The following PDE7A variants were observed in gnomAD, a reference collection of about 807,000 sequenced individuals.
The protein encoded by PDE7A is high affinity 3',5'-cyclic-AMP phosphodiesterase 7A.
A neutral mutation model predicts 64.3 loss-of-function variants in PDE7A; 39 were observed. The observed-to-expected ratio is 0.61, with a 90% CI of 0.47 to 0.79. PDE7A has a LOEUF of 0.79. Ranked by LOEUF, PDE7A falls within the 30% of genes least tolerant of loss-of-function variation. PDE7A has a pLI of 0.00. For missense variants in PDE7A, 470 were observed against 582.8 expected (o/e 0.81, Z 1.99); for synonymous variants, 203 against 206.8 (o/e 0.98, Z 0.16).
chr8:65,835,580 G>A (rs1810932236), intron 1 of PDE7A, among the ~76,000 whole-genome samples: 1 of 152,046 alleles, frequency 6.6e-6, no homozygotes, highest in African/African-American at 2.4e-5. Context: ...CTCTATAACT[G>A]CTCTGGTCAA....
chr8:65,727,160 T>G lies in PDE7A; in HGVS notation c.828+10A>C, dbSNP rs767103153. The G allele has an allele frequency of 1.5e-5, 22 of 1,432,784 alleles. No homozygotes were observed. The highest frequency in any genetic ancestry group is 2.0e-6 in the Non-Finnish European group (2 of 1,023,160). The allele number at this position is 1,432,784 out of a possible 1,614,324, so 88.8% of individuals were successfully genotyped here. Reference sequence around the variant, plus strand: ...AAAATAATAAATCTTGATGATAAAATTGCACTAACCTTGTATAAAGTTGCC... The same window carrying G: ...AAAATAATAAATCTTGATGATAAAAGTGCACTAACCTTGTATAAAGTTGCC... On this transcript the variant is annotated intron_variant, in intron 8 of 12. Coordinates refer to ENST00000401827, the MANE Select transcript of PDE7A (RefSeq NM_001242318.3).
intron 1 of PDE7A, among the ~76,000 whole-genome samples, chr8:65,800,802 A>G (rs1290356925): frequency 6.6e-6 from 1 of 152,228 alleles, no homozygotes; most frequent in East Asian, 1.9e-4. Flanking sequence ...AACATCAAAC[A>G]GAAACTCCTT....
chr8:65,786,432 ATAATC>A (rs1768409714), intron 1 of PDE7A, among the ~76,000 whole-genome samples: 2 of 152,326 alleles, frequency 1.3e-5, no homozygotes, highest in East Asian at 1.9e-4. Flanking sequence ...ACTAGGTAGA[ATAATC>A]TAAAGTAGGA....
intron 1 of PDE7A, among the ~76,000 whole-genome samples, chr8:65,834,532 T>A (rs113495991): frequency 0.022 from 3,274 of 152,274 alleles, 54 homozygotes; most frequent in African/African-American, 0.047. Context: ...AACTACTGCA[T>A]CTTTATTAAG....
chr8:65,718,215 A>AGC lies in PDE7A; in HGVS notation c.*1074_*1075insGC, dbSNP rs1806219931. On this transcript the variant is annotated 3_prime_UTR_variant, in exon 13 of 13. Transcript: ENST00000401827. ...TGTCACATTCTAAAATAATAAATAA[A>AGC]AGCTTACATTTCAAATCTTTGCCCA... 1 of 152,156 alleles carries AGC rather than the reference A, an allele frequency of 6.6e-6. No individual in the cohort carries two copies. The highest frequency in any genetic ancestry group is 2.4e-5 in the African/African-American group (1 of 41,448). The allele number at this position is 152,156 out of a possible 1,614,324, so 9.4% of individuals were successfully genotyped here. A position where few individuals can be genotyped will look rare whatever the true frequency, so the allele number is the denominator to read the frequency against.
At chr8:65,831,647 C>T (rs1810823830) in intron 1 of PDE7A, among the ~76,000 whole-genome samples, 2 of 150,740 alleles carry the variant, frequency 1.3e-5, no homozygotes, top group South Asian at 4.2e-4. Context: ...ATATATATGA[C>T]TTACCAAAAA....
chr8:65,729,494 A>G (rs539843271), intron 7 of PDE7A, among the ~76,000 whole-genome samples: 2 of 150,732 alleles, frequency 1.3e-5, no homozygotes, highest in African/African-American at 4.9e-5. Flanking sequence ...CATGGAGGAG[A>G]GCAGTTTAGT....
At chr8:65,729,740 TG>T (rs1387786238) in intron 7 of PDE7A, among the ~76,000 whole-genome samples, 1 of 151,530 alleles carries the variant, frequency 6.6e-6, no homozygotes, top group Non-Finnish European at 1.5e-5. Context: ...TTTTTTTTTT[TG>T]GTACTTTTAT....
At chr8:65,730,017 GT>G (rs1388880523) in intron 7 of PDE7A, among the ~76,000 whole-genome samples, 1 of 151,886 alleles carries the variant, frequency 6.6e-6, no homozygotes, top group Non-Finnish European at 1.5e-5. Context: ...TCCATGGCCT[GT>G]TAGGAACCTG....
chr8:65,745,432 G>A lies in PDE7A; in HGVS notation c.474C>T (p.Ile158=), dbSNP rs1247031206. 7.0e-6 allele frequency: 11 copies of A among 1,572,796 alleles called. No homozygotes were observed. Among genetic ancestry groups the A allele is most frequent in the African/African-American group, 1.3e-5 (1 of 74,110 alleles). ...CATTTGTTAGTCTATCAAATAGAAAGATATCAAAATTCCAATTTCCAACTT... is the reference window on the plus strand; with the variant it reads ...CATTTGTTAGTCTATCAAATAGAAAAATATCAAAATTCCAATTTCCAACTT... ...LEKVGNWNFD[I]FLFDRLTNGN... is the part of the protein sequence containing the mutation. Residue 158 remains isoleucine, a synonymous_variant, in exon 5 of 13, where the codon ATC becomes ATT. Coordinates refer to ENST00000401827, the MANE Select transcript of PDE7A (RefSeq NM_001242318.3).
chr8:65,819,228 T>C (rs1396342829), intron 1 of PDE7A, among the ~76,000 whole-genome samples: 1 of 152,102 alleles, frequency 6.6e-6, no homozygotes, highest in Non-Finnish European at 1.5e-5. Context: ...ACACTGTCTC[T>C]ACAAAAAAAT....
At chr8:65,733,503 T>C (rs1806992632) in intron 7 of PDE7A, among the ~76,000 whole-genome samples, 1 of 152,098 alleles carries the variant, frequency 6.6e-6, no homozygotes, top group African/African-American at 2.4e-5. Context: ...ACCCTGTCTC[T>C]ACAAAAAATT....
Position 65,714,885 on chromosome 8 carries a change from G to C in PDE7A, c.*4405C>G, listed in dbSNP as rs1257891394. On this transcript the variant is annotated 3_prime_UTR_variant, in exon 13 of 13. Coordinates refer to ENST00000401827, the MANE Select transcript of PDE7A (RefSeq NM_001242318.3). ...GGTACAAATATATTTGTTTGCAAAG[G>C]ACATAAAATATGATTTTTACTTTTA... The C allele has an allele frequency of 6.6e-5, 10 of 151,924 alleles. No individual in the cohort carries two copies. 9.4% of individuals were successfully genotyped at this position (151,924 alleles called of 1,614,324 possible). A position where few individuals can be genotyped will look rare whatever the true frequency, so the allele number is the denominator to read the frequency against.
chr8:65,790,368 A>G (rs1324840964), intron 1 of PDE7A, among the ~76,000 whole-genome samples: 3 of 152,306 alleles, frequency 2.0e-5, no homozygotes, highest in Admixed American at 6.5e-5. Flanking sequence ...CTGGATGGGC[A>G]GTCAGGCCAC....
chr8:65,773,947 C>T (rs1809184782), intron 3 of PDE7A, among the ~76,000 whole-genome samples: 1 of 152,178 alleles, frequency 6.6e-6, no homozygotes, highest in Admixed American at 6.5e-5. Context: ...ATACAAATAT[C>T]AATATTTAGA....
intron 3 of PDE7A, among the ~76,000 whole-genome samples, chr8:65,751,619 A>G (rs958634045): frequency 2.6e-5 from 4 of 152,222 alleles, no homozygotes; most frequent in African/African-American, 7.2e-5. Flanking sequence ...CAGCCTCTCA[A>G]GTAGCTAGGA....
intron 6 of PDE7A, among the ~76,000 whole-genome samples, chr8:65,738,453 C>T (rs1000838187): frequency 6.6e-6 from 1 of 152,194 alleles, no homozygotes; most frequent in African/African-American, 2.4e-5. Context: ...AAAGACTTTA[C>T]CAGGAATCAT....
intron 1 of PDE7A, among the ~76,000 whole-genome samples, chr8:65,839,341 G>C (rs1456513255): frequency 7.9e-6 from 1 of 126,830 alleles, no homozygotes; most frequent in Admixed American, 7.2e-5. Flanking sequence ...GAAAGCATTT[G>C]ATTAACCAAA....
intron 8 of PDE7A, 67 bp from the exon 9 acceptor site, chr8:65,727,033 A>G: frequency 1.4e-5 from 14 of 989,924 alleles, no homozygotes; most frequent in Non-Finnish European, 1.9e-5. Flanking sequence ...ATTACTAACA[A>G]TACTGTTAGC....
Sources: gnomAD v4.1 joint callset for allele counts (sites outside exome capture counted in the v4.1 genomes callset) on GRCh38, gnomAD v4.1.1 for gene constraint, MANE v1.5 for transcripts, NCBI Gene and HGNC (gene_info 2026-07-23, HGNC 2026-07-21) for gene names.